The following DCP1A variants were observed in gnomAD, a reference collection of about 807,000 sequenced individuals.
DCP1A encodes the protein mRNA-decapping enzyme 1A.
DCP1A carries 20 observed loss-of-function variants against 58.0 expected under a neutral mutation model. That is an observed-to-expected ratio of 0.34 (90% CI 0.24 to 0.50). The LOEUF (loss-of-function observed/expected upper bound fraction) is 0.50. Ranked by LOEUF, DCP1A falls within the 20% of genes least tolerant of loss-of-function variation. The probability of loss-of-function intolerance (pLI) is 0.98; values close to 1 mark genes in which losing one functional copy is unlikely to be tolerated. For synonymous variants in DCP1A, 285 were observed against 275.1 expected (o/e 1.04, Z -0.36); for missense variants, 613 against 712.2 (o/e 0.86, Z 1.59).
chr3:53,314,461 T>G (rs1242708466), intron 4 of DCP1A, among the ~76,000 whole-genome samples: 4 of 152,070 alleles, frequency 2.6e-5, no homozygotes, highest in African/African-American at 9.7e-5. Context: ...AGACCAAACA[T>G]GAATTGTTTA....
At chr3:53,314,699 C>G (rs1553689037) in intron 4 of DCP1A, among the ~76,000 whole-genome samples, 1 of 127,406 alleles carries the variant, frequency 7.8e-6, no homozygotes, top group African/African-American at 3.0e-5. Flanking sequence ...TGAGACAGAG[C>G]CTTACTCTGT....
intron 3 of DCP1A, among the ~76,000 whole-genome samples, chr3:53,336,255 G>A (rs1182355857): frequency 6.6e-6 from 1 of 152,052 alleles, no homozygotes; most frequent in Non-Finnish European, 1.5e-5. Context: ...ACAGGTGTCT[G>A]CCACCACGCC....
chr3:53,295,328 C>T (rs1177951654), intron 6 of DCP1A, among the ~76,000 whole-genome samples: 2 of 152,134 alleles, frequency 1.3e-5, no homozygotes, highest in Non-Finnish European at 2.9e-5. Flanking sequence ...AACCATTTCA[C>T]CTTTAAAAAT....
At chr3:53,345,210 A>G (rs1278778559) in intron 1 of DCP1A, among the ~76,000 whole-genome samples, 6 of 152,190 alleles carry the variant, frequency 3.9e-5, no homozygotes, top group Non-Finnish European at 8.8e-5. Flanking sequence ...TAATTAGTAA[A>G]GGAGAAAATC....
chr3:53,317,816 C>T (rs1397353014), intron 4 of DCP1A, among the ~76,000 whole-genome samples: 2 of 152,178 alleles, frequency 1.3e-5, no homozygotes, highest in Non-Finnish European at 2.9e-5. Flanking sequence ...CAAGTTCATA[C>T]AGAACGATGC....
chr3:53,329,336 G>C (rs1553691046), intron 3 of DCP1A: 1 of 398,332 alleles, frequency 2.5e-6, no homozygotes, highest in East Asian at 3.6e-5. Flanking sequence ...TTTTTCTAGT[G>C]ATCTAATTTT....
intron 7 of DCP1A, 82 bp downstream of exon 7, chr3:53,291,987 C>G: frequency 2.8e-6 from 4 of 1,428,824 alleles, no homozygotes; most frequent in Admixed American, 2.5e-5. Flanking sequence ...CATGTCATGA[C>G]AGTTAAAACC....
intron 3 of DCP1A, among the ~76,000 whole-genome samples, chr3:53,339,247 C>A (rs2089165181): frequency 6.6e-6 from 1 of 152,202 alleles, no homozygotes; most frequent in Non-Finnish European, 1.5e-5. Context: ...GTTGTCTTAT[C>A]ACTTCTCCCC....
chr3:53,344,995 A>C, intron 1 of DCP1A, 53 bp from the exon 2 acceptor site: 1 of 1,340,532 alleles, frequency 7.5e-7, no homozygotes, highest in Non-Finnish European at 1.1e-6. Context: ...CAGACCCCAA[A>C]TAGTCCCCAT....
intron 6 of DCP1A, among the ~76,000 whole-genome samples, chr3:53,300,721 C>A (rs148858569): frequency 9.9e-4 from 150 of 152,238 alleles, no homozygotes; most frequent in African/African-American, 3.6e-3. Flanking sequence ...GATCTTGGCT[C>A]ACTATAACCT....
At chr3:53,295,064 G>A (rs537652998) in intron 6 of DCP1A, among the ~76,000 whole-genome samples, 2 of 152,306 alleles carry the variant, frequency 1.3e-5, no homozygotes, top group African/African-American at 2.4e-5. Context: ...AAGAGATCCT[G>A]TGTCAGGAGG....
At position 53,292,633 on chromosome 3, in the gene DCP1A, G is replaced by A; in HGVS notation, c.819C>T (p.Thr273=). The change falls in exon 7 of 10, where the codon ACC becomes ACT. Residue 273 remains threonine, a synonymous_variant. Coordinates refer to ENST00000610213, the MANE Select transcript of DCP1A (RefSeq NM_018403.7). ...GGTGGGCAGCAGAAGGGACACCCAG[G>A]GTTTCTGATTGAGGGGCTCCTCCTA... is the stretch of plus-strand genomic sequence containing the variant. ...EQLGGAPQSE[T]LGVPSAAHHS... 6.2e-7 allele frequency: 1 copy of A among 1,613,580 alleles called. No homozygotes were observed. Among genetic ancestry groups the A allele is most frequent in the East Asian group, 2.2e-5 (1 of 44,848 alleles).
chr3:53,325,101 A>C (rs1553690449), intron 3 of DCP1A, among the ~76,000 whole-genome samples: 2 of 152,196 alleles, frequency 1.3e-5, no homozygotes, highest in Non-Finnish European at 1.5e-5. Flanking sequence ...TTTGAGTAAG[A>C]GTTTTCTATT....
At chr3:53,339,714 T>C (rs2089171746) in intron 3 of DCP1A, among the ~76,000 whole-genome samples, 1 of 152,290 alleles carries the variant, frequency 6.6e-6, no homozygotes, top group Middle Eastern at 3.4e-3. Context: ...TCACAGGACT[T>C]TTGCCTTGTG....
At chr3:53,293,814 C>A (rs1707015987) in intron 6 of DCP1A, among the ~76,000 whole-genome samples, 1 of 152,114 alleles carries the variant, frequency 6.6e-6, no homozygotes, top group Admixed American at 6.5e-5. Flanking sequence ...TTTGTCCAGG[C>A]AAATGTTTCA....
Position 53,292,391 on chromosome 3 carries a change from G to A in DCP1A, c.1061C>T (p.Pro354Leu), listed in dbSNP as rs1553686189. 3 of 1,613,654 alleles carry A rather than the reference G, an allele frequency of 1.9e-6. No individual in the cohort carries two copies. The highest frequency in any genetic ancestry group is 1.7e-5 in the Admixed American group (1 of 60,010). The stretch of plus-strand genomic sequence containing the variant: ...CTCAGGGACTGGCTGGTTCAGGAGT[G>A]GAGACCTCTGTCTAGGCGTGGTCTT... ...AVKTTPRQRS[P>L]LLNQPVPELS... The change falls in exon 7 of 10, where the codon CCA (proline) becomes CTA (leucine). Residue 354 changes from proline to leucine, a missense_variant. Physicochemically the swap from Pro to Leu is moderately conservative, Grantham distance 98 (BLOSUM62 -3). This residue lies in a region of DCP1A where 498 missense variants were observed against 556.7 expected (regional missense o/e 0.89). Transcript: ENST00000610213.
chr3:53,303,867 C>T (rs139991058), intron 6 of DCP1A, among the ~76,000 whole-genome samples: 1 of 152,074 alleles, frequency 6.6e-6, no homozygotes, highest in Admixed American at 6.6e-5. Context: ...TGAGTGAGCT[C>T]GGACACTGCT....
chr3:53,344,814 C>A, intron 2 of DCP1A, 88 bp downstream of exon 2: 2 of 1,041,970 alleles, frequency 1.9e-6, no homozygotes, highest in South Asian at 1.4e-5. Flanking sequence ...AGGACGGTTC[C>A]AAAGACAAAT....
chr3:53,302,007 G>A (rs1707326540), intron 6 of DCP1A, among the ~76,000 whole-genome samples: 1 of 152,180 alleles, frequency 6.6e-6, no homozygotes, highest in Non-Finnish European at 1.5e-5. Flanking sequence ...AGGGAAGTCA[G>A]TGTGTTTATG....
Sources: allele counts gnomAD v4.1 joint callset (sites outside exome capture counted in the v4.1 genomes callset), GRCh38; gene constraint gnomAD v4.1.1; regional missense constraint gnomAD v4.1.1; transcripts MANE v1.5; gene names NCBI Gene and HGNC (gene_info 2026-07-23, HGNC 2026-07-21).